Variants in FYN observed in about 807,000 individuals in gnomAD.
The protein encoded by FYN is FYN proto-oncogene, Src family tyrosine kinase, also known as tyrosine-protein kinase Fyn.
A neutral mutation model predicts 70.2 loss-of-function variants in FYN; 10 were observed. The observed-to-expected ratio is 0.14, with a 90% CI of 0.09 to 0.24. The LOEUF (loss-of-function observed/expected upper bound fraction) is 0.24, where lower values mean the gene tolerates loss of function less well. Among genes scored for constraint, FYN ranks in the 10% least tolerant of loss-of-function variants. FYN has a pLI of 1.00. For synonymous variants in FYN, 236 were observed against 248.6 expected, an observed-to-expected ratio of 0.95 and a Z score of 0.48; for missense variants, 319 against 673.1, an observed-to-expected ratio of 0.47 and a Z score of 5.82.
At chr6:111,689,571 G>C (rs550203225) in intron 12 of FYN, among the ~76,000 whole-genome samples, 8 of 152,116 alleles carry the variant, frequency 5.3e-5, no homozygotes, top group Non-Finnish European at 1.0e-4. Flanking sequence ...GAGGCTCTGT[G>C]ATATATTTGT....
intron 13 of FYN, among the ~76,000 whole-genome samples, chr6:111,667,849 A>AC (rs1449663650): frequency 6.6e-6 from 1 of 152,208 alleles, no homozygotes; most frequent in East Asian, 1.9e-4. Flanking sequence ...TTTAAGTGTT[A>AC]CCCGTCCATG....
At chr6:111,747,905 CTGCTTCAAAGA>C (rs1802302730) in intron 3 of FYN, among the ~76,000 whole-genome samples, 1 of 152,202 alleles carries the variant, frequency 6.6e-6, no homozygotes, top group South Asian at 2.1e-4. Flanking sequence ...ATTATTGTTC[CTGCTTCAAAGA>C]TGAGGAAAAT....
intron 2 of FYN, among the ~76,000 whole-genome samples, chr6:111,831,805 G>T (rs1773025632): frequency 6.6e-6 from 1 of 152,198 alleles, no homozygotes. Flanking sequence ...CCTTTTAAAA[G>T]AAGGATGATT....
intron 2 of FYN, among the ~76,000 whole-genome samples, chr6:111,785,639 G>A (rs1271996999): frequency 6.6e-6 from 1 of 151,900 alleles, no homozygotes; most frequent in Admixed American, 6.6e-5. Context: ...ATTAGTGGGT[G>A]GCAAAGACAG....
chr6:111,712,243 T>C (rs1800416621), intron 5 of FYN, among the ~76,000 whole-genome samples: 1 of 152,214 alleles, frequency 6.6e-6, no homozygotes. Context: ...ACTCTTACTA[T>C]TCCTTGGTTC....
chr6:111,734,363 G>A (rs1249084267), intron 3 of FYN, among the ~76,000 whole-genome samples: 1 of 152,180 alleles, frequency 6.6e-6, no homozygotes, highest in Non-Finnish European at 1.5e-5. Context: ...CATTATGAGA[G>A]TTTTAATGAT....
chr6:111,731,711 A>G (rs1801465604), intron 3 of FYN, among the ~76,000 whole-genome samples: 1 of 152,152 alleles, frequency 6.6e-6, no homozygotes, highest in Admixed American at 6.6e-5. Context: ...CACGGCCTCT[A>G]TGGGGACAGA....
At chr6:111,675,853 T>C (rs1423701787) in intron 12 of FYN, among the ~76,000 whole-genome samples, 5 of 151,082 alleles carry the variant, frequency 3.3e-5, no homozygotes, top group Admixed American at 6.6e-5. Context: ...TAAAATAAAA[T>C]AAAAGGGATT....
chr6:111,680,923 T>C (rs4947143), intron 12 of FYN, among the ~76,000 whole-genome samples: 64,441 of 152,068 alleles, frequency 0.42, 14,361 homozygotes, highest in Admixed American at 0.56. Flanking sequence ...GTCTCCCCTG[T>C]GGGCTCTTCT....
intron 3 of FYN, among the ~76,000 whole-genome samples, chr6:111,764,249 AAAGAAAG>A (rs1379927031): frequency 6.7e-6 from 1 of 149,570 alleles, no homozygotes; most frequent in African/African-American, 2.5e-5. Context: ...AAAAAAAAAG[AAAGAAAG>A]AAAAAAGAAA....
intron 8 of FYN, 97 bp from the exon 9 acceptor site, chr6:111,700,365 G>T: frequency 2.4e-6 from 3 of 1,265,364 alleles, no homozygotes; most frequent in Non-Finnish European, 3.3e-6. Flanking sequence ...GGCGCACAGT[G>T]CTCCTCAAAC....
At chr6:111,730,692 G>A (rs1467541415) in intron 3 of FYN, among the ~76,000 whole-genome samples, 2 of 152,156 alleles carry the variant, frequency 1.3e-5, no homozygotes, top group Non-Finnish European at 2.9e-5. Flanking sequence ...GGCAATCCAA[G>A]CAGGGCACAG....
chr6:111,705,535 C>T (rs1022971773), intron 6 of FYN, among the ~76,000 whole-genome samples: 21 of 152,078 alleles, frequency 1.4e-4, no homozygotes, highest in African/African-American at 3.9e-4. Context: ...CACATCACCA[C>T]ACCTGCTAAC....
At chr6:111,849,222 A>C (rs758153693) in intron 1 of FYN, among the ~76,000 whole-genome samples, 6 of 152,208 alleles carry the variant, frequency 3.9e-5, no homozygotes, top group Non-Finnish European at 8.8e-5. Flanking sequence ...AATGTTGCAA[A>C]TGTGTGGTCA....
Position 111,708,028 on chromosome 6 carries a change from T to TA in FYN, c.345-9dup, listed in dbSNP as rs1054930386. ...TCCCACCAATCTCCTTCCCTGTAAA[T>TA]AAAAAAGAAAAGTAAATATGTTGAC... On this transcript the variant is annotated splice_polypyrimidine_tract_variant and intron_variant, in intron 5 of 13. Coordinates refer to ENST00000354650, the MANE Select transcript of FYN (RefSeq NM_002037.5). The TA allele has an allele frequency of 2.5e-6, 4 of 1,605,782 alleles. No individual in the cohort carries two copies. The Admixed American group carries it at 5.0e-5, about 20-fold the overall frequency.
At chr6:111,789,176 G>A (rs1771512067) in intron 2 of FYN, among the ~76,000 whole-genome samples, 2 of 152,242 alleles carry the variant, frequency 1.3e-5, no homozygotes, top group South Asian at 4.1e-4. Flanking sequence ...CTTCTCATTG[G>A]CTATTGCCAG....
intron 3 of FYN, among the ~76,000 whole-genome samples, chr6:111,725,764 T>A (rs892545349): frequency 1.3e-5 from 2 of 152,050 alleles, no homozygotes; most frequent in African/African-American, 4.8e-5. Context: ...CTAAATGACA[T>A]TGTGGTAGGG....
intron 1 of FYN, among the ~76,000 whole-genome samples, chr6:111,848,096 AG>A (rs1331079527): frequency 6.6e-6 from 1 of 152,246 alleles, no homozygotes; most frequent in African/African-American, 2.4e-5. Context: ...CCCTATAATC[AG>A]AAGAGAATAA....
In FYN at chr6:111,704,039, T is replaced by C. The variant is rs1433904506; in HGVS notation, c.507A>G (p.Pro169=). 1.9e-6 allele frequency: 3 copies of C among 1,614,226 alleles called. No individual in the cohort carries two copies. Among genetic ancestry groups the C allele is most frequent in the Admixed American group, 1.7e-5 (1 of 60,024 alleles). The stretch of plus-strand genomic sequence containing the variant: ...TCTCGCGGATAAGAAAGGTACCTCT[T>C]GGGTTTCCAAAGGACAATAGCTGTC... The part of the protein sequence containing the change: ...AERQLLSFGN[P]RGTFLIRESE... Residue 169 remains proline (P), a synonymous_variant, in exon 7 of 14, where the codon CCA becomes CCG. Coordinates refer to ENST00000354650, the MANE Select transcript of FYN (RefSeq NM_002037.5).
Sources: allele counts gnomAD v4.1 joint callset (sites outside exome capture counted in the v4.1 genomes callset), GRCh38; gene constraint gnomAD v4.1.1; transcripts MANE v1.5; gene names NCBI Gene and HGNC (gene_info 2026-07-23, HGNC 2026-07-21).